Variants in TMEM131 observed in about 807,000 individuals in gnomAD.
TMEM131 encodes the protein transmembrane protein 131.
In TMEM131, 66 loss-of-function variants were observed where a neutral mutation model predicts 211.6. The observed-to-expected ratio is 0.31, with a 90% CI of 0.26 to 0.38. The LOEUF (loss-of-function observed/expected upper bound fraction) is 0.38, where lower values mean the gene tolerates loss of function less well. TMEM131 is among the 10% of genes least tolerant of loss of function. The pLI, the probability that TMEM131 is intolerant of heterozygous loss-of-function variation, is 1.00. For missense variants in TMEM131, 2,036 were observed against 2,299.3 expected (o/e 0.89, Z 2.34); for synonymous variants, 844 against 841.3 (o/e 1.00, Z -0.06).
chr2:97,862,761 C>G (rs956721750), intron 4 of TMEM131, among the ~76,000 whole-genome samples: 1 of 151,918 alleles, frequency 6.6e-6, no homozygotes, highest in Admixed American at 6.6e-5. Flanking sequence ...AAGGGGAAAT[C>G]TAAGAGTTAA....
chr2:97,794,922 C>A lies in TMEM131; in HGVS notation c.3386+8G>T. On this transcript the variant is annotated splice_region_variant and intron_variant, in intron 29 of 40. Coordinates refer to ENST00000186436, the MANE Select transcript of TMEM131 (RefSeq NM_015348.2). ...AATGAATATGAACCTTGAAACAAGACACAATACCTCATTATTCCTGAGATG... is the reference window on the plus strand; with the variant it reads ...AATGAATATGAACCTTGAAACAAGAAACAATACCTCATTATTCCTGAGATG... The A allele has an allele frequency of 6.4e-7, 1 of 1,560,870 alleles. No individual in the cohort carries two copies. Among genetic ancestry groups the A allele is most frequent in the Non-Finnish European group, 8.7e-7 (1 of 1,152,540 alleles).
chr2:97,918,622 CA>C (rs1463056093), intron 2 of TMEM131, among the ~76,000 whole-genome samples: 2 of 151,926 alleles, frequency 1.3e-5, no homozygotes, highest in Non-Finnish European at 2.9e-5. Flanking sequence ...AAAACAACAA[CA>C]AAAAGGCGGG....
At chr2:97,910,920 C>G (rs1431464666) in intron 2 of TMEM131, among the ~76,000 whole-genome samples, 1 of 152,094 alleles carries the variant, frequency 6.6e-6, no homozygotes, top group African/African-American at 2.4e-5. Context: ...CACTCCACTC[C>G]TAGATATATG....
chr2:97,833,322 C>A, intron 11 of TMEM131, 43 bp downstream of exon 11: 1 of 925,420 alleles, frequency 1.1e-6, no homozygotes, highest in Non-Finnish European at 1.6e-6. Context: ...CATTTAAAAA[C>A]AAAGAATATA....
chr2:97,893,286 T>C (rs2104291629), intron 3 of TMEM131, among the ~76,000 whole-genome samples: 1 of 152,018 alleles, frequency 6.6e-6, no homozygotes, highest in Non-Finnish European at 1.5e-5. Context: ...TTATCCACTC[T>C]ATCTTTGATG....
intron 3 of TMEM131, among the ~76,000 whole-genome samples, chr2:97,893,646 T>G (rs1675477605): frequency 6.6e-6 from 1 of 152,240 alleles, no homozygotes; most frequent in Admixed American, 6.5e-5. Context: ...TGACCAGTGA[T>G]GATGAGCTTT....
intron 1 of TMEM131, among the ~76,000 whole-genome samples, chr2:97,972,476 G>A (rs925854336): frequency 1.7e-4 from 25 of 144,922 alleles, no homozygotes; most frequent in Non-Finnish European, 3.4e-4. Context: ...AGGCGGGCGG[G>A]AGGGAGGGAA....
At chr2:97,918,088 C>T (rs551089940) in intron 2 of TMEM131, among the ~76,000 whole-genome samples, 11 of 152,128 alleles carry the variant, frequency 7.2e-5, no homozygotes, top group African/African-American at 2.2e-4. Flanking sequence ...GGACTACAGG[C>T]GCATGCCACC....
chr2:97,995,575 C>T lies in TMEM131; in HGVS notation c.88G>A (p.Ala30Thr). ...SAGAGLEPAA[A>T]RSGGPRSAAA... The stretch of plus-strand genomic sequence containing the variant: ...GCGCTCCGCGGGCCCCCGCTACGGG[C>T]GGCCGCAGGTTCCAGCCCGGCCCCG... Residue 30 changes from alanine (A) to threonine (T), a missense_variant, in exon 1 of 41, where the codon GCC becomes ACC. Ala to Thr is a moderately conservative substitution (Grantham distance 58). This residue lies in a region of TMEM131 where 136 missense variants were observed against 115.4 expected (regional missense o/e 1.18). Transcript: ENST00000186436. 1 of 1,301,548 alleles carries T rather than the reference C, an allele frequency of 7.7e-7. No individual in the cohort carries two copies. Among genetic ancestry groups the T allele is most frequent in the South Asian group, 2.3e-5 (1 of 42,930 alleles). The allele number at this position is 1,301,548 out of a possible 1,614,324, so 80.6% of individuals were successfully genotyped here. A position where few individuals can be genotyped will look rare whatever the true frequency, so the allele number is the denominator to read the frequency against.
chr2:97,764,851 G>C (rs966855051), intron 35 of TMEM131: 1 of 152,274 alleles, frequency 6.6e-6, no homozygotes, highest in African/African-American at 2.4e-5. Context: ...GTTTGTGGCT[G>C]TGTCTGGCTG....
At chr2:97,859,883 G>A (rs1673995924) in intron 4 of TMEM131, among the ~76,000 whole-genome samples, 2 of 152,200 alleles carry the variant, frequency 1.3e-5, no homozygotes, top group African/African-American at 4.8e-5. Context: ...TTTCATAGAT[G>A]AGAATACTGG....
chr2:97,808,171 T>A (rs1681397846), intron 19 of TMEM131, among the ~76,000 whole-genome samples: 1 of 152,244 alleles, frequency 6.6e-6, no homozygotes, highest in South Asian at 2.1e-4. Flanking sequence ...ATTTTGTGCA[T>A]GAAGCAAAGT....
intron 33 of TMEM131, among the ~76,000 whole-genome samples, chr2:97,769,283 G>A (rs1024487716): frequency 1.3e-5 from 2 of 152,072 alleles, no homozygotes; most frequent in Admixed American, 1.3e-4. Context: ...TACCACACCT[G>A]GCTTATTTTT....
intron 39 of TMEM131, chr2:97,759,254 C>T: frequency 1.6e-6 from 1 of 618,968 alleles, no homozygotes; most frequent in South Asian, 2.1e-5. Flanking sequence ...AGCTGATATG[C>T]CACCAATGAC....
At chr2:97,821,562 G>A (rs957508088) in intron 11 of TMEM131, among the ~76,000 whole-genome samples, 4 of 152,112 alleles carry the variant, frequency 2.6e-5, no homozygotes, top group Non-Finnish European at 2.9e-5. Flanking sequence ...GAAGGTCTGC[G>A]GCTTCACTCC....
chr2:97,898,621 C>A (rs568592837), intron 3 of TMEM131, among the ~76,000 whole-genome samples: 1 of 152,142 alleles, frequency 6.6e-6, no homozygotes, highest in African/African-American at 2.4e-5. Context: ...AAAGTGACTA[C>A]GCTGACACCT....
chr2:97,859,537 T>A, intron 4 of TMEM131, 110 bp from the exon 5 acceptor site: 1 of 905,064 alleles, frequency 1.1e-6, no homozygotes, highest in Non-Finnish European at 1.6e-6. Context: ...CTAAATATAT[T>A]AAAATGCTTT....
chr2:97,789,152 C>A (rs1680383199), intron 31 of TMEM131, among the ~76,000 whole-genome samples: 1 of 152,216 alleles, frequency 6.6e-6, no homozygotes, highest in Non-Finnish European at 1.5e-5. Flanking sequence ...AAATAATGTC[C>A]TCAAGTCCAG....
At position 97,948,062 on chromosome 2, in the gene TMEM131, A is replaced by G. The variant is rs546256969; in HGVS notation, c.188-20575T>C. 7.2e-5 allele frequency among the ~76,000 whole-genome samples: 11 copies of G among 152,354 alleles called. No individual in the cohort carries two copies. In the South Asian group the frequency reaches 2.1e-3, roughly 29 times the overall value. Reference sequence around the variant, plus strand: ...AAATGAATAACAGAATTTATGTAAGAGCTAAAATTCTAAAGTTCCTAGAAA... The same window carrying G: ...AAATGAATAACAGAATTTATGTAAGGGCTAAAATTCTAAAGTTCCTAGAAA... On this transcript the variant is annotated intron_variant, in intron 1 of 40. Transcript: ENST00000186436.
Sources: allele counts gnomAD v4.1 joint callset (sites outside exome capture counted in the v4.1 genomes callset), GRCh38; gene constraint gnomAD v4.1.1; regional missense constraint gnomAD v4.1.1; transcripts MANE v1.5; gene names NCBI Gene and HGNC (gene_info 2026-07-23, HGNC 2026-07-21).